UPK1A: variants seen among roughly 807,000 people sequenced by gnomAD.
The protein encoded by UPK1A is uroplakin-1a.
UPK1A carries 31 observed loss-of-function variants against 32.3 expected under a neutral mutation model. That is an observed-to-expected ratio of 0.96 (90% CI 0.72 to 1.30). The LOEUF (loss-of-function observed/expected upper bound fraction) is 1.30. Ranked by LOEUF, UPK1A falls within the 50% of genes most tolerant of loss-of-function variation. UPK1A has a pLI of 0.00. For synonymous variants in UPK1A, 135 were observed against 137.1 expected, an observed-to-expected ratio of 0.98 and a Z score of 0.11; for missense variants, 340 against 357.4, an observed-to-expected ratio of 0.95 and a Z score of 0.39.
At chr19:35,671,711 C>T (rs1968104575) in intron 3 of UPK1A, among the ~76,000 whole-genome samples, 2 of 151,624 alleles carry the variant, frequency 1.3e-5, no homozygotes, top group Admixed American at 1.3e-4. Context: ...ATCCGCCCAC[C>T]TCGGCTTCCC....
At chr19:35,667,033 C>G in intron 2 of UPK1A, 137 bp downstream of exon 2, 1 of 779,714 alleles carries the variant, frequency 1.3e-6, no homozygotes, top group Non-Finnish European at 2.1e-6. Flanking sequence ...GGTTGAAATC[C>G]CAGCTCTGCC....
intron 3 of UPK1A, among the ~76,000 whole-genome samples, chr19:35,670,181 G>C (rs1968064358): frequency 6.6e-6 from 1 of 152,210 alleles, no homozygotes; most frequent in Non-Finnish European, 1.5e-5. Context: ...TCTGAGGCCA[G>C]AGCGGGCCAG....
chr19:35,674,274 T>A (rs554769744), intron 5 of UPK1A, among the ~76,000 whole-genome samples: 89 of 136,126 alleles, frequency 6.5e-4, no homozygotes, highest in Non-Finnish European at 5.5e-4. Context: ...TGAGACAGAG[T>A]CTTGCTCTGT....
chr19:35,676,016 C>T, exon 6 of UPK1A: 2 of 1,612,362 alleles, frequency 1.2e-6, no homozygotes, highest in Non-Finnish European at 1.7e-6. Flanking sequence ...ACCTGTTCAC[C>T]AAGGTGTGGC....
chr19:35,668,767 C>T, intron 3 of UPK1A, 113 bp downstream of exon 3: 1 of 1,190,584 alleles, frequency 8.4e-7, no homozygotes, highest in Non-Finnish European at 1.2e-6. Flanking sequence ...TGGTGTCACA[C>T]TCAGGGATCC....
chr19:35,674,476 A>T (rs1968153006), intron 5 of UPK1A, among the ~76,000 whole-genome samples: 1 of 151,766 alleles, frequency 6.6e-6, no homozygotes, highest in Non-Finnish European at 1.5e-5. Context: ...TGACCTTGTG[A>T]TCCACCTGCC....
chr19:35,673,267 G>A (rs762711868), exon 4 of UPK1A: 1 of 1,614,064 alleles, frequency 6.2e-7, no homozygotes, highest in Non-Finnish European at 8.5e-7. Flanking sequence ...ACATCTTCGA[G>A]TGCGCCTCCT....
chr19:35,672,353 C>T (rs1968114489), intron 3 of UPK1A, among the ~76,000 whole-genome samples: 1 of 152,136 alleles, frequency 6.6e-6, no homozygotes, highest in Non-Finnish European at 1.5e-5. Flanking sequence ...CCTCTGCCTC[C>T]TGGGTTCAAG....
chr19:35,675,910 C>T lies in UPK1A; in HGVS notation c.539C>T (p.Pro180Leu), dbSNP rs753942126. 8.7e-6 allele frequency: 14 copies of T among 1,614,012 alleles called. No individual in the cohort carries two copies. In the South Asian group the frequency reaches 8.8e-5, roughly 10 times the overall value. The change falls in exon 6 of 8, where the codon CCG becomes CTG. Residue 180 changes from proline to leucine, a missense_variant. Transcript: ENST00000617999. Reference sequence around the variant, plus strand: ...ACGTCAGCCTTCCGGGCGGCCACTCCGGAGGTGGTGTTCCCCTGGCCCCCA... The same window carrying T: ...ACGTCAGCCTTCCGGGCGGCCACTCTGGAGGTGGTGTTCCCCTGGCCCCCA...
At position 35,666,965 on chromosome 19, in the gene UPK1A, G is replaced by A. The variant is rs1599627952; in HGVS notation, c.84+69G>A. The A allele has an allele frequency of 3.3e-6, 5 of 1,532,230 alleles. No individual in the cohort carries two copies. The East Asian group carries it at 1.1e-4, about 35-fold the overall frequency. 94.9% of individuals were successfully genotyped at this position (1,532,230 alleles called of 1,614,324 possible). A position where few individuals can be genotyped will look rare whatever the true frequency, so the allele number is the denominator to read the frequency against. On this transcript the variant is annotated intron_variant, in intron 2 of 7. Coordinates refer to ENST00000617999, the Ensembl canonical transcript of UPK1A. ...GGGAGGGGACAGTCCTGAGCTCGGGGTGGGGGATGAGGGTCCAGAACTGTC... is the reference window on the plus strand; with the variant it reads ...GGGAGGGGACAGTCCTGAGCTCGGGATGGGGGATGAGGGTCCAGAACTGTC...
intron 3 of UPK1A, among the ~76,000 whole-genome samples, chr19:35,670,545 CCTCCCCTCCCCTCCT>C (rs1445094982): frequency 1.4e-5 from 1 of 72,814 alleles, no homozygotes; most frequent in African/African-American, 5.5e-5. Flanking sequence ...CCTCCTTTCC[CCTCCCCTCCCCTCCT>C]CTCCCCTCCC....
intron 2 of UPK1A, 120 bp downstream of exon 2, chr19:35,667,016 C>T: frequency 4.1e-6 from 4 of 984,480 alleles, no homozygotes; most frequent in Non-Finnish European, 6.2e-6. Context: ...GTGGTCAGCA[C>T]AGCCTGGGTT....
chr19:35,678,247 G>A, exon 8 of UPK1A: 1 of 464,230 alleles, frequency 2.2e-6, no homozygotes, highest in Non-Finnish European at 3.8e-6. Flanking sequence ...ATCTTTCAAG[G>A]GACCTCTCCA....
At chr19:35,666,921 G>C in intron 2 of UPK1A, 25 bp downstream of exon 2, 1 of 1,613,294 alleles carries the variant, frequency 6.2e-7, no homozygotes. Flanking sequence ...AGTGCTGGGA[G>C]CCGAGTGGTT....
Position 35,669,529 on chromosome 19 carries a change from C to T in UPK1A, c.285+875C>T, listed in dbSNP as rs1968053550. 6.0e-5 allele frequency among the ~76,000 whole-genome samples: 9 copies of T among 150,256 alleles called. No homozygotes were observed. The South Asian group carries it at 1.9e-3, about 32-fold the overall frequency. On this transcript the variant is annotated intron_variant, in intron 3 of 7. Coordinates refer to ENST00000617999, the Ensembl canonical transcript of UPK1A. ...AAAAAAAAAAAAAAAAAATTAGCCA[C>T]GCATGGTGGCAGGCACCTGTAATCC...
intron 5 of UPK1A, among the ~76,000 whole-genome samples, chr19:35,674,970 A>T (rs903719873): frequency 2.7e-5 from 4 of 146,998 alleles, no homozygotes; most frequent in African/African-American, 1.0e-4. Context: ...TGAACCCAGG[A>T]GGGGGAGGTT....
At chr19:35,668,311 C>T (rs1329353020) in intron 2 of UPK1A, 143 bp from the exon 3 acceptor site, 2 of 975,380 alleles carry the variant, frequency 2.1e-6, no homozygotes, top group Non-Finnish European at 3.1e-6. Context: ...ACCCTCATCG[C>T]TGCTCATGGA....
chr19:35,673,220 C>CG lies in UPK1A; in HGVS notation c.286-12_286-11insG, dbSNP rs529902853. ...CTCTGCCCGACGGGCCGTCCTCCCT[C>CG]TGTCTCCCCAGTACCTGGTGCTCAT... is the stretch of plus-strand genomic sequence containing the variant. On this transcript the variant is annotated splice_polypyrimidine_tract_variant and intron_variant, in intron 3 of 7. Transcript: ENST00000617999. 1,165 of 1,613,978 alleles carry CG rather than the reference C, an allele frequency of 7.2e-4. 3 individuals carry two copies. In the African/African-American group the frequency reaches 0.014, roughly 19 times the overall value.
rs1311899448 is a variant in UPK1A, at chr19:35,673,564, G to C, written c.468+19G>C. The C allele has an allele frequency of 1.9e-6, 3 of 1,610,064 alleles. 1 individual carries two copies. The South Asian group carries it at 3.3e-5, about 18-fold the overall frequency. On this transcript the variant is annotated intron_variant, in intron 5 of 7. Transcript: ENST00000617999. ...GATTGAGGTGGGCGGGGTGGACCGG[G>C]TGCTGGGAGGGCCCTGGGCTCCGTC...
Sources: allele counts gnomAD v4.1 joint callset (sites outside exome capture counted in the v4.1 genomes callset), GRCh38; gene constraint gnomAD v4.1.1; transcripts MANE v1.5; gene names NCBI Gene and HGNC (gene_info 2026-07-23, HGNC 2026-07-21).